NLGN4X: variants seen among roughly 807,000 people sequenced by gnomAD.
NLGN4X encodes the protein neuroligin 4 X-linked.
Under a neutral mutation model 40.3 loss-of-function variants are expected in NLGN4X, and 3 were observed. The ratio of observed to expected loss-of-function variants is 0.07; its 90% CI spans 0.03 to 0.19. NLGN4X has a LOEUF of 0.19. Among genes scored for constraint, NLGN4X ranks in the 10% least tolerant of loss-of-function variants. The pLI is 1.00. For synonymous variants in NLGN4X, 270 were observed against 306.8 expected (o/e 0.88, Z 1.25); for missense variants, 382 against 708.3 (o/e 0.54, Z 5.23).
At chrX:6,163,206 G>A (rs750953205) in intron 1 of NLGN4X, among the ~76,000 whole-genome samples, 8 of 111,474 alleles carry the variant, frequency 7.2e-5, no homozygotes, top group African/African-American at 1.3e-4. Context: ...CCCAGTCTCC[G>A]GTATGTCTTT....
intron 3 of NLGN4X, among the ~76,000 whole-genome samples, chrX:5,944,961 G>A (rs975902851): frequency 1.3e-4 from 15 of 111,813 alleles, no homozygotes; most frequent in African/African-American, 3.9e-4. Context: ...AACTGTTGTG[G>A]AGGATAAAAT....
chrX:5,934,693 T>G (rs1255352884), intron 3 of NLGN4X, among the ~76,000 whole-genome samples: 1 of 112,034 alleles, frequency 8.9e-6, no homozygotes, highest in African/African-American at 3.2e-5. Context: ...AATAAATGGC[T>G]ATTCGTTTAT....
intron 2 of NLGN4X, among the ~76,000 whole-genome samples, chrX:6,042,009 A>T (rs1176978455): frequency 8.9e-6 from 1 of 112,451 alleles, no homozygotes; most frequent in African/African-American, 3.2e-5. Context: ...GATTTTGGTT[A>T]GCATATTGTA....
rs1174580846 is a variant in NLGN4X, at chrX:5,997,265, T to C, written c.625+32015A>G. Reference sequence around the variant, plus strand: ...AAACATATATATGAAGAGTTAGTAATTTTTATGTTTTATACATACATTTAT... The same window carrying C: ...AAACATATATATGAAGAGTTAGTAACTTTTATGTTTTATACATACATTTAT... On this transcript the variant is annotated intron_variant, in intron 3 of 5. Transcript: ENST00000381095. 2.8e-5 allele frequency among the ~76,000 whole-genome samples: 3 copies of C among 107,087 alleles called. No individual in the cohort carries two copies. In the Admixed American group the frequency reaches 3.1e-4, roughly 11 times the overall value. The allele number at this position is 107,087 out of a possible 115,157, so 93.0% of individuals were successfully genotyped here. A position where few individuals can be genotyped will look rare whatever the true frequency, so the allele number is the denominator to read the frequency against.
intron 5 of NLGN4X, among the ~76,000 whole-genome samples, chrX:5,901,664 T>TTG (rs751012209): frequency 2.2e-4 from 24 of 109,910 alleles, no homozygotes; most frequent in Non-Finnish European, 1.3e-4. Context: ...GTATGTGTGT[T>TTG]TGTGTGTGTG....
At chrX:6,104,227 T>C (rs994521822) in intron 2 of NLGN4X, among the ~76,000 whole-genome samples, 15 of 112,401 alleles carry the variant, frequency 1.3e-4, no homozygotes, top group Non-Finnish European at 9.4e-5. Flanking sequence ...ACTGTTGGAA[T>C]TGCATGTGAC....
At chrX:6,067,708 A>T (rs926992537) in intron 2 of NLGN4X, among the ~76,000 whole-genome samples, 2 of 110,648 alleles carry the variant, frequency 1.8e-5, no homozygotes, top group African/African-American at 6.6e-5. Context: ...TTTAACACTT[A>T]CCCCAGTTTC....
At chrX:5,910,115 T>C (rs150764145) in intron 3 of NLGN4X, among the ~76,000 whole-genome samples, 2,035 of 111,548 alleles carry the variant, frequency 0.018, 48 homozygotes, top group African/African-American at 0.061. Context: ...GTTCCTTCTG[T>C]ATTGAAAAAT....
Position 6,225,787 on chromosome X carries a change from C to A in NLGN4X, c.-306+2754G>T, listed in dbSNP as rs1432896553. Among the ~76,000 whole-genome samples, 9 of 90,632 alleles carry A rather than the reference C, an allele frequency of 9.9e-5. No individual in the cohort carries two copies. In the East Asian group the frequency reaches 3.0e-3, roughly 30 times the overall value. The allele number at this position is 90,632 out of a possible 115,157, so 78.7% of individuals were successfully genotyped here. On this transcript the variant is annotated intron_variant, in intron 1 of 5. Coordinates refer to ENST00000381095, the MANE Select transcript of NLGN4X (RefSeq NM_181332.3). Reference sequence around the variant, plus strand: ...GATGGGAGCTCACGCACACCACCCCCTTTCAAGAAAATATAATGCAACGCG... The same window carrying A: ...GATGGGAGCTCACGCACACCACCCCATTTCAAGAAAATATAATGCAACGCG...
intron 2 of NLGN4X, among the ~76,000 whole-genome samples, chrX:6,110,946 G>T (rs190385262): frequency 6.0e-4 from 67 of 111,529 alleles, no homozygotes; most frequent in African/African-American, 2.1e-3. Context: ...ACTGAAAGCT[G>T]AAGCCCTTAG....
At chrX:6,187,302 C>T (rs1922119351) in intron 1 of NLGN4X, among the ~76,000 whole-genome samples, 1 of 84,980 alleles carries the variant, frequency 1.2e-5, no homozygotes, top group African/African-American at 4.7e-5. Context: ...CACGGTGAAA[C>T]CCCGTCCCTA....
At chrX:6,044,089 A>G (rs1942020222) in intron 2 of NLGN4X, among the ~76,000 whole-genome samples, 1 of 104,440 alleles carries the variant, frequency 9.6e-6, no homozygotes, top group African/African-American at 3.5e-5. Flanking sequence ...GAACATAATG[A>G]GAACCTGTTT....
At chrX:5,972,166 T>C (rs1284737492) in intron 3 of NLGN4X, among the ~76,000 whole-genome samples, 2 of 110,167 alleles carry the variant, frequency 1.8e-5, no homozygotes, top group African/African-American at 6.6e-5. Context: ...TGTGTGTGCA[T>C]GTATGTATGC....
intron 2 of NLGN4X, among the ~76,000 whole-genome samples, chrX:6,041,188 A>G (rs149193988): frequency 3.7e-4 from 41 of 111,682 alleles, no homozygotes; most frequent in African/African-American, 1.2e-3. Context: ...GCACCCTGTT[A>G]AGATAGTGCT....
At chrX:6,111,300 T>C (rs958148837) in intron 2 of NLGN4X, among the ~76,000 whole-genome samples, 1 of 111,397 alleles carries the variant, frequency 9.0e-6, no homozygotes, top group African/African-American at 3.3e-5. Flanking sequence ...AGTGTCCTTA[T>C]AAAAGAGGCT....
intron 3 of NLGN4X, among the ~76,000 whole-genome samples, chrX:5,935,789 A>C (rs1246961572): frequency 8.9e-6 from 1 of 112,074 alleles, no homozygotes; most frequent in Non-Finnish European, 1.9e-5. Context: ...TCATGGTTAA[A>C]ATCAAAAACA....
At chrX:5,995,112 A>T (rs974711491) in intron 3 of NLGN4X, among the ~76,000 whole-genome samples, 76 of 112,144 alleles carry the variant, frequency 6.8e-4, no homozygotes, top group Non-Finnish European at 9.6e-4. Context: ...ATCCCTCTCA[A>T]TGTAGCTATA....
At chrX:6,212,228 G>C (rs979839541) in intron 1 of NLGN4X, among the ~76,000 whole-genome samples, 1 of 103,093 alleles carries the variant, frequency 9.7e-6, no homozygotes, top group Non-Finnish European at 2.0e-5. Flanking sequence ...CTGGGCGACA[G>C]AGCAAGACTC....
chrX:6,134,921 T>C (rs1402233057), intron 2 of NLGN4X, among the ~76,000 whole-genome samples: 1 of 112,840 alleles, frequency 8.9e-6, no homozygotes, highest in Admixed American at 9.4e-5. Flanking sequence ...TTGCCTAATG[T>C]TCTACAACGA....
Sources: gnomAD v4.1 joint callset for allele counts (sites outside exome capture counted in the v4.1 genomes callset) on GRCh38, gnomAD v4.1.1 for gene constraint, MANE v1.5 for transcripts, NCBI Gene and HGNC (gene_info 2026-07-23, HGNC 2026-07-21) for gene names.